The following BLVRB variants were observed in gnomAD, a reference collection of about 807,000 sequenced individuals.
BLVRB encodes the protein flavin reductase (NADPH).
BLVRB carries 25 observed loss-of-function variants against 21.1 expected under a neutral mutation model. The observed-to-expected ratio is 1.19, with a 90% confidence interval of 0.86 to 1.66. The LOEUF (loss-of-function observed/expected upper bound fraction) is 1.66. Among genes scored for constraint, BLVRB ranks in the 40% most tolerant of loss-of-function variants. BLVRB has a pLI of 0.00. For missense variants in BLVRB, 274 were observed against 282.7 expected (o/e 0.97, Z 0.22); for synonymous variants, 128 against 122.2 (o/e 1.05, Z -0.31).
At chr19:40,453,442 C>T (rs981821665) in intron 3 of BLVRB, among the ~76,000 whole-genome samples, 1 of 152,166 alleles carries the variant, frequency 6.6e-6, no homozygotes, top group Non-Finnish European at 1.5e-5. Flanking sequence ...GCTCCAATCC[C>T]AGCCCTTAGA....
rs1408035972 is a variant in BLVRB at position 40,451,485 on chromosome 19, C to A, written c.342G>T (p.Leu114=). The change falls in exon 4 of 5, where the codon CTG becomes CTT. Residue 114 remains leucine, a synonymous_variant. Coordinates refer to ENST00000263368, the MANE Select transcript of BLVRB (RefSeq NM_000713.3). ...DKVVACTSAF[L]LWDPTKVPPR... ...GGGGCACCTTGGTAGGGTCCCAGAG[C>A]AGGAAAGCTGGAGGGAACACAGGGC... is the stretch of plus-strand genomic sequence containing the variant. 2 of 1,609,598 alleles carry A rather than the reference C, an allele frequency of 1.2e-6. No homozygotes were observed. The highest frequency in any genetic ancestry group is 1.7e-6 in the Non-Finnish European group (2 of 1,177,964).
Position 40,458,621 on chromosome 19 carries a change from C to T in BLVRB, c.80-76G>A, listed in dbSNP as rs1017869097. On this transcript the variant is annotated intron_variant, in intron 1 of 4. Coordinates refer to ENST00000263368, the MANE Select transcript of BLVRB (RefSeq NM_000713.3). ...GCTCCAGGAGCTGGGTCCTAGAAGC[C>T]ACCATGAACTCTCAAATCCATCCCC... 4.8e-6 allele frequency: 7 copies of T among 1,451,832 alleles called. No homozygotes were observed. In the African/African-American group the frequency reaches 5.6e-5, roughly 12 times the overall value. The allele number at this position is 1,451,832 out of a possible 1,614,324, so 89.9% of individuals were successfully genotyped here. A position where few individuals can be genotyped will look rare whatever the true frequency, so the allele number is the denominator to read the frequency against.
chr19:40,452,575 T>A (rs893799059), intron 3 of BLVRB, among the ~76,000 whole-genome samples: 15 of 151,166 alleles, frequency 9.9e-5, no homozygotes, highest in South Asian at 4.2e-4. Flanking sequence ...ATTTAAAAAA[T>A]TTTTTTAGGC....
intron 4 of BLVRB, among the ~76,000 whole-genome samples, chr19:40,450,709 ATT>A (rs201806085): frequency 2.2e-5 from 3 of 139,196 alleles, no homozygotes; most frequent in Admixed American, 7.2e-5. Context: ...CGCCCAGCTA[ATT>A]TTTTTTTTTT....
Position 40,458,178 on chromosome 19 carries a change from T to G in BLVRB, c.311A>C (p.Asp104Ala). 1 of 1,614,062 alleles carries G rather than the reference T, an allele frequency of 6.2e-7. No individual in the cohort carries two copies. Among genetic ancestry groups the G allele is most frequent in the Non-Finnish European group, 8.5e-7 (1 of 1,179,986 alleles). ...ACCCGAGGTGCAGGCCACGACCTTG[T>G]CCACACCATGAGCCTTCATGGCTGC... is the stretch of plus-strand genomic sequence containing the variant. ...IVAAMKAHGV[D>A]KVVACTSAFL... is the part of the protein sequence containing the mutation. Residue 104 changes from aspartate to alanine, a missense_variant, in exon 3 of 5, where the codon GAC (aspartate) becomes GCC (alanine). Asp to Ala is a moderately radical substitution (Grantham distance 126). Transcript: ENST00000263368.
At chr19:40,454,344 G>T (rs2079753258) in intron 3 of BLVRB, among the ~76,000 whole-genome samples, 1 of 152,038 alleles carries the variant, frequency 6.6e-6, no homozygotes, top group Non-Finnish European at 1.5e-5. Flanking sequence ...GGCCAGGCTG[G>T]TCTCGAACTC....
intron 3 of BLVRB, chr19:40,457,930 G>T: frequency 1.9e-6 from 1 of 515,810 alleles, no homozygotes; most frequent in Admixed American, 3.2e-5. Flanking sequence ...GTTTGATCAT[G>T]GATCTGTTTA....
chr19:40,459,695 C>T (rs1317707560), intron 1 of BLVRB, among the ~76,000 whole-genome samples: 4 of 152,096 alleles, frequency 2.6e-5, no homozygotes, highest in East Asian at 1.9e-4. Context: ...CTCAGCCTCC[C>T]GAGTAGCTGG....
chr19:40,451,602 G>A (rs1285985169), intron 3 of BLVRB, 110 bp from the exon 4 acceptor site: 9 of 1,361,558 alleles, frequency 6.6e-6, no homozygotes, highest in Admixed American at 6.0e-5. Context: ...GCGCAATCTC[G>A]GCTCACTGCA....
chr19:40,448,036 T>C lies in BLVRB; in HGVS notation c.474A>G (p.Pro158=), dbSNP rs2145775258. The change falls in exon 5 of 5, where the codon CCA becomes CCG. Residue 158 remains proline (P), a synonymous_variant. Coordinates refer to ENST00000263368, the MANE Select transcript of BLVRB (RefSeq NM_000713.3). Reference sequence around the variant, plus strand: ...GGGTCACTGTGTACGCCCCAGTTAGTGGCTGGTCTCCTATGAAGTAAAGAC... The same window carrying C: ...GGGTCACTGTGTACGCCCCAGTTAGCGGCTGGTCTCCTATGAAGTAAAGAC... ...AVMPPHIGDQ[P]LTGAYTVTLD... is the part of the protein sequence containing the mutation. 3.1e-6 allele frequency: 5 copies of C among 1,612,970 alleles called. No individual in the cohort carries two copies. The Middle Eastern group carries it at 6.7e-4, about 215-fold the overall frequency.
chr19:40,461,534 C>T (rs540776364), intron 1 of BLVRB, among the ~76,000 whole-genome samples: 1 of 147,912 alleles, frequency 6.8e-6, no homozygotes, highest in Admixed American at 6.8e-5. Context: ...GAGTCTCGCT[C>T]TGTTGCCCAG....
At chr19:40,458,681 T>C in intron 1 of BLVRB, 136 bp from the exon 2 acceptor site, 1 of 1,253,106 alleles carries the variant, frequency 8.0e-7, no homozygotes, top group Non-Finnish European at 1.1e-6. Flanking sequence ...TCAAACATTT[T>C]TGGTTTTTTC....
chr19:40,461,323 C>T (rs2079786582), intron 1 of BLVRB, among the ~76,000 whole-genome samples: 1 of 152,122 alleles, frequency 6.6e-6, no homozygotes, highest in Non-Finnish European at 1.5e-5. Context: ...ACACAGCAGC[C>T]AGACAGAGTT....
In BLVRB at chr19:40,458,445, A is replaced by G; in HGVS notation, c.180T>C (p.Asp60=). The G allele has an allele frequency of 1.9e-6, 3 of 1,598,282 alleles. No individual in the cohort carries two copies. Among genetic ancestry groups the G allele is most frequent in the Non-Finnish European group, 1.7e-6 (2 of 1,173,068 alleles). The part of the protein sequence containing the change: ...VVVGDVLQAA[D]VDKTVAGQDA... ...CCTGCCCAGCCACGGTCTTGTCCAC[A>G]TCGGCTGCCTGCAGAACATCTCCCA... Residue 60 remains aspartate, a synonymous_variant, in exon 2 of 5, where the codon GAT becomes GAC. Transcript: ENST00000263368.
chr19:40,452,039 G>C (rs2079742363), intron 3 of BLVRB, among the ~76,000 whole-genome samples: 1 of 152,088 alleles, frequency 6.6e-6, no homozygotes, highest in African/African-American at 2.4e-5. Flanking sequence ...GACCAGCCCA[G>C]CAGCCTACTC....
intron 3 of BLVRB, among the ~76,000 whole-genome samples, chr19:40,456,862 A>G (rs528352133): frequency 6.6e-6 from 1 of 152,122 alleles, no homozygotes; most frequent in Non-Finnish European, 1.5e-5. Context: ...TGGCGGTTGC[A>G]GTGAGCTGAT....
At chr19:40,458,589 C>G in intron 1 of BLVRB, 44 bp from the exon 2 acceptor site, 1 of 1,526,062 alleles carries the variant, frequency 6.6e-7, no homozygotes, top group East Asian at 2.3e-5. Flanking sequence ...TGGGCTGGCA[C>G]TCTTGGGCTC....
Position 40,451,386 on chromosome 19 carries a change from C to A in BLVRB, c.441G>T (p.Val147=). ...TACCTATGTGTGGCGGCATCACAGCCACGTACTTCAGGCCTGATTCCCGCA... is the reference window on the plus strand; with the variant it reads ...TACCTATGTGTGGCGGCATCACAGCAACGTACTTCAGGCCTGATTCCCGCA... ...KVLRESGLKY[V]AVMPPHIGDQ... Residue 147 remains valine (V), a synonymous_variant, in exon 4 of 5, where the codon GTG becomes GTT. Coordinates refer to ENST00000263368, the MANE Select transcript of BLVRB (RefSeq NM_000713.3). The A allele has an allele frequency of 3.7e-6, 6 of 1,607,552 alleles. No individual in the cohort carries two copies. Among genetic ancestry groups the A allele is most frequent in the Non-Finnish European group, 5.1e-6 (6 of 1,177,384 alleles).
At chr19:40,461,295 C>G (rs953657780) in intron 1 of BLVRB, among the ~76,000 whole-genome samples, 2 of 152,276 alleles carry the variant, frequency 1.3e-5, no homozygotes, top group Non-Finnish European at 1.5e-5. Context: ...CAGTCCTGCC[C>G]TCTCCAATCC....
Sources: allele counts gnomAD v4.1 joint callset (sites outside exome capture counted in the v4.1 genomes callset), GRCh38; gene constraint gnomAD v4.1.1; transcripts MANE v1.5; gene names NCBI Gene and HGNC (gene_info 2026-07-23, HGNC 2026-07-21).